Variants in RHPN2 observed in about 807,000 individuals in gnomAD.
RHPN2 encodes the protein rhophilin Rho GTPase binding protein 2.
RHPN2 carries 40 observed loss-of-function variants against 79.0 expected under a neutral mutation model. The observed-to-expected ratio is 0.51, with a 90% CI of 0.39 to 0.66. The LOEUF (loss-of-function observed/expected upper bound fraction) is 0.66. RHPN2 is among the 30% of genes least tolerant of loss of function. The pLI, the probability that RHPN2 is intolerant of heterozygous loss-of-function variation, is 0.00. For synonymous variants in RHPN2, 285 were observed against 363.5 expected (o/e 0.78, Z 2.46); for missense variants, 686 against 883.5 (o/e 0.78, Z 2.83).
chr19:33,048,505 C>G (rs1222525110), intron 1 of RHPN2, among the ~76,000 whole-genome samples: 8 of 150,614 alleles, frequency 5.3e-5, no homozygotes, highest in African/African-American at 1.2e-4. Flanking sequence ...GCGGGTAGAT[C>G]ACCTGAGGAC....
chr19:33,000,701 C>T (rs1374843288), intron 9 of RHPN2, among the ~76,000 whole-genome samples: 1 of 152,132 alleles, frequency 6.6e-6, no homozygotes, highest in African/African-American at 2.4e-5. Context: ...TCTCAAACCT[C>T]ACAAAACCAC....
intron 11 of RHPN2, among the ~76,000 whole-genome samples, chr19:32,994,416 G>C (rs1971685262): frequency 6.6e-6 from 1 of 151,732 alleles, no homozygotes; most frequent in Non-Finnish European, 1.5e-5. Context: ...GTGATCCTTG[G>C]GAAGGAGACA....
chr19:32,979,717 C>G lies in RHPN2; in HGVS notation c.*279G>C, dbSNP rs949385472. On this transcript the variant is annotated 3_prime_UTR_variant, in exon 15 of 15. Coordinates refer to ENST00000254260, the MANE Select transcript of RHPN2 (RefSeq NM_033103.5). ...TCATAATTGTCACCATTAAAAATAG[C>G]CATATTTCATATCTTCAACACTATT... is the stretch of plus-strand genomic sequence containing the variant. 7.4e-6 allele frequency: 3 copies of G among 405,700 alleles called. No homozygotes were observed. The highest frequency in any genetic ancestry group is 6.1e-5 in the African/African-American group (3 of 49,180). The allele number at this position is 405,700 out of a possible 1,614,324, so 25.1% of individuals were successfully genotyped here.
Position 33,002,344 on chromosome 19 carries a change from G to A in RHPN2, c.1008C>T (p.Asn336=), listed in dbSNP as rs1568312960. The part of the protein sequence containing the change: ...AAMSQAPVKE[N]IPYSWASLAC... ...CTAAGCTGGCCCAGGAGTAGGGGAT[G>A]TTCTCTTTCACCGGCGCCTGGCTCA... is the stretch of plus-strand genomic sequence containing the variant. Residue 336 remains asparagine (N), a synonymous_variant, in exon 9 of 15, where the codon AAC becomes AAT. Coordinates refer to ENST00000254260, the MANE Select transcript of RHPN2 (RefSeq NM_033103.5). 6.2e-7 allele frequency: 1 copy of A among 1,613,952 alleles called. No homozygotes were observed.
At chr19:33,055,627 C>T (rs957185237) in intron 1 of RHPN2, among the ~76,000 whole-genome samples, 5 of 151,390 alleles carry the variant, frequency 3.3e-5, no homozygotes, top group Non-Finnish European at 5.9e-5. Context: ...AAGATGCACA[C>T]AAGTGTCTAA....
chr19:33,053,843 A>G (rs1972209590), intron 1 of RHPN2, among the ~76,000 whole-genome samples: 1 of 151,770 alleles, frequency 6.6e-6, no homozygotes. Flanking sequence ...CTGGGATTAC[A>G]GGTGTGAGCC....
chr19:33,054,216 G>A (rs536723719), intron 1 of RHPN2, among the ~76,000 whole-genome samples: 115 of 53,208 alleles, frequency 2.2e-3, no homozygotes, highest in Non-Finnish European at 3.7e-3. Flanking sequence ...TTTTTTTTTT[G>A]AGACAGAATC....
In RHPN2 at chr19:32,991,934, C is replaced by A. The variant is rs1247896704; in HGVS notation, c.1533G>T (p.Trp511Cys). ...TGAAGCGGATGCTTCGAGGAGGCGT[C>A]CACCGCTTGTTAGCCGAAAACACAG... ...PLSVFSANKR[W>C]TPPRSIRFTA... The change falls in exon 13 of 15, where the codon TGG becomes TGT. Residue 511 changes from tryptophan (W) to cysteine (C), a missense_variant. Trp to Cys is a radical substitution (Grantham distance 215). Coordinates refer to ENST00000254260, the MANE Select transcript of RHPN2 (RefSeq NM_033103.5). The A allele has an allele frequency of 6.2e-7, 1 of 1,613,972 alleles. No homozygotes were observed. Among genetic ancestry groups the A allele is most frequent in the Admixed American group, 1.7e-5 (1 of 60,008 alleles).
chr19:32,985,458 A>C (rs545643088), intron 14 of RHPN2, among the ~76,000 whole-genome samples: 1 of 152,304 alleles, frequency 6.6e-6, no homozygotes, highest in South Asian at 2.1e-4. Flanking sequence ...CAACACGGTG[A>C]AGCCCCGTCT....
At chr19:33,036,756 C>T (rs1266283331) in intron 2 of RHPN2, among the ~76,000 whole-genome samples, 3 of 152,172 alleles carry the variant, frequency 2.0e-5, no homozygotes, top group Admixed American at 6.5e-5. Context: ...CCGCTGGCCC[C>T]GGGCAGTGAG....
chr19:33,062,709 A>G (rs1048931014), intron 1 of RHPN2, among the ~76,000 whole-genome samples: 4 of 151,374 alleles, frequency 2.6e-5, no homozygotes, highest in Non-Finnish European at 5.9e-5. Flanking sequence ...CAGAGGTTGC[A>G]GTGAGCCGAA....
intron 13 of RHPN2, chr19:32,991,253 C>T (rs551240613): frequency 2.2e-5 from 4 of 184,752 alleles, no homozygotes; most frequent in East Asian, 2.9e-4. Context: ...ATCAGGAGAT[C>T]GAAACCATCC....
Position 32,995,952 on chromosome 19 carries a change from A to G in RHPN2, c.1420+74T>C, listed in dbSNP as rs563357287. On this transcript the variant is annotated intron_variant, in intron 11 of 14. Coordinates refer to ENST00000254260, the MANE Select transcript of RHPN2 (RefSeq NM_033103.5). ...CAAGCACACAGCGAGGGCTCGCTCAACCCCCACAGGCCAGGCGTACTCTTT... is the reference window on the plus strand; with the variant it reads ...CAAGCACACAGCGAGGGCTCGCTCAGCCCCCACAGGCCAGGCGTACTCTTT... The G allele has an allele frequency of 5.1e-4, 734 of 1,449,906 alleles. 4 individuals are homozygous for G. In the East Asian group the frequency reaches 0.015, roughly 30 times the overall value. The allele number at this position is 1,449,906 out of a possible 1,614,324, so 89.8% of individuals were successfully genotyped here. A position where few individuals can be genotyped will look rare whatever the true frequency, so the allele number is the denominator to read the frequency against.
intron 2 of RHPN2, among the ~76,000 whole-genome samples, chr19:33,027,457 C>T (rs13346819): frequency 0.024 from 3,583 of 151,316 alleles, 159 homozygotes; most frequent in African/African-American, 0.083. Context: ...ATCACACCAC[C>T]GCAATCCAGC....
intron 2 of RHPN2, 83 bp from the exon 3 acceptor site, chr19:33,026,715 C>T: frequency 1.3e-6 from 2 of 1,484,934 alleles, no homozygotes; most frequent in Non-Finnish European, 1.8e-6. Flanking sequence ...CCAGTCCCTG[C>T]AGGGAGGATC....
At chr19:32,987,271 C>T (rs1033640427) in intron 14 of RHPN2, among the ~76,000 whole-genome samples, 6 of 152,118 alleles carry the variant, frequency 3.9e-5, no homozygotes, top group East Asian at 1.9e-4. Context: ...AACCTTCTAC[C>T]TTATGACCCT....
intron 1 of RHPN2, among the ~76,000 whole-genome samples, chr19:33,053,858 C>T (rs561303756): frequency 9.3e-5 from 14 of 151,248 alleles, no homozygotes; most frequent in Non-Finnish European, 1.8e-4. Context: ...TGAGCCACCG[C>T]GCCCAGTCTC....
At chr19:33,045,093 C>G (rs73583841) in intron 1 of RHPN2, among the ~76,000 whole-genome samples, 11 of 147,730 alleles carry the variant, frequency 7.4e-5, no homozygotes, top group Non-Finnish European at 1.6e-4. Flanking sequence ...CGCTGCGTGC[C>G]TAGGATGCAG....
chr19:32,993,338 G>C (rs2146003590), intron 12 of RHPN2, among the ~76,000 whole-genome samples: 1 of 152,166 alleles, frequency 6.6e-6, no homozygotes, highest in East Asian at 1.9e-4. Flanking sequence ...GCTGAGCGTA[G>C]TGGCACAGGC....
Sources: gnomAD v4.1 joint callset for allele counts (sites outside exome capture counted in the v4.1 genomes callset) on GRCh38, gnomAD v4.1.1 for gene constraint, MANE v1.5 for transcripts, NCBI Gene and HGNC (gene_info 2026-07-23, HGNC 2026-07-21) for gene names.